MAMDC4: variants seen among roughly 807,000 people sequenced by gnomAD.
MAMDC4 encodes MAM domain containing 4.
In MAMDC4, 168 loss-of-function variants were observed where a neutral mutation model predicts 153.3. That is an observed-to-expected ratio of 1.10 (90% confidence interval 0.97 to 1.25). The LOEUF is 1.25. Ranked by LOEUF, MAMDC4 falls within the 50% of genes most tolerant of loss-of-function variation. The probability of loss-of-function intolerance (pLI) is 0.00; values close to 1 mark genes in which losing one functional copy is unlikely to be tolerated. For missense variants in MAMDC4, 1,701 were observed against 1,542.8 expected, an observed-to-expected ratio of 1.10 and a Z score of -1.72; for synonymous variants, 744 against 651.5, an observed-to-expected ratio of 1.14 and a Z score of -2.16.
In MAMDC4 at chr9:136,854,784, C is replaced by T. The variant is rs749388123; in HGVS notation, c.957C>T (p.Ala319=). The T allele has an allele frequency of 1.1e-5, 17 of 1,612,676 alleles. No homozygotes were observed. Among genetic ancestry groups the T allele is most frequent in the Middle Eastern group, 1.6e-4 (1 of 6,084 alleles). Residue 319 remains alanine (A), a synonymous_variant, in exon 9 of 27, where the codon GCC becomes GCT. Coordinates refer to ENST00000317446, the MANE Select transcript of MAMDC4 (RefSeq NM_206920.3). ...SAQGSFLVSV[A]EPGTPAILSS... is the part of the protein sequence containing the mutation. ...CAGGCTCCTTCCTGGTCTCCGTGGCCGAGCCTGGCACCCCTGCTATACTCT... is the reference window on the plus strand; with the variant it reads ...CAGGCTCCTTCCTGGTCTCCGTGGCTGAGCCTGGCACCCCTGCTATACTCT...
In MAMDC4 at chr9:136,853,132, A is replaced by G. The variant is rs757534537; in HGVS notation, c.77A>G (p.Asn26Ser). Residue 26 changes from asparagine to serine, a missense_variant, in exon 2 of 27, where the codon AAC (asparagine) becomes AGC (serine). Transcript: ENST00000317446. ...AGSSGWAWVP[N>S]HCRSPGQAVC... is the part of the protein sequence containing the mutation. ...TCCTCAGGCTGGGCCTGGGTCCCCA[A>G]CCACTGCAGGAGCCCTGGCCAGGCC... The G allele has an allele frequency of 3.7e-5, 60 of 1,612,596 alleles. No homozygotes were observed. The highest frequency in any genetic ancestry group is 4.4e-5 in the Non-Finnish European group (52 of 1,179,926).
In MAMDC4 at chr9:136,859,156, G is replaced by GCCT. The variant is rs753589701; in HGVS notation, c.3084+36_3084+38dup. On this transcript the variant is annotated intron_variant, in intron 24 of 26. Coordinates refer to ENST00000317446, the MANE Select transcript of MAMDC4 (RefSeq NM_206920.3). ...AGGTGAGGCTGGCTGTGGGCAAGGA[G>GCCT]CCTCCTCCTCCTCCACCCAGGGCCC... 3.2e-6 allele frequency: 5 copies of GCCT among 1,585,316 alleles called. No individual in the cohort carries two copies. In the South Asian group the frequency reaches 4.6e-5, roughly 15 times the overall value.
At chr9:136,859,788 GC>G in intron 25 of MAMDC4, 97 bp from the exon 26 acceptor site, 1 of 1,312,042 alleles carries the variant, frequency 7.6e-7, no homozygotes, top group Non-Finnish European at 1.1e-6. Flanking sequence ...AACCCCAGGA[GC>G]CAGCAGAGGC....
chr9:136,857,728 A>G lies in MAMDC4; in HGVS notation c.2396A>G (p.Lys799Arg), dbSNP rs1475237347. 2 of 1,612,710 alleles carry G rather than the reference A, an allele frequency of 1.2e-6. No homozygotes were observed. The highest frequency in any genetic ancestry group is 1.7e-6 in the Non-Finnish European group (2 of 1,179,888). ...GGCCAGACGGCCTCCCTGACCTCCA[A>G]GGAGCACAGGCCCCTGGCCCAGCCT... ...PRGQTASLTS[K>R]EHRPLAQPAC... Residue 799 changes from lysine (K) to arginine (R), a missense_variant, in exon 19 of 27, where the codon AAG (lysine) becomes AGG (arginine). Lys to Arg is a conservative substitution (Grantham distance 26). Transcript: ENST00000317446.
At chr9:136,853,699 G>C (rs1848961524) in intron 4 of MAMDC4, 29 bp downstream of exon 4, 3 of 1,607,182 alleles carry the variant, frequency 1.9e-6, no homozygotes, top group African/African-American at 1.3e-5. Context: ...AGGCTCGTGG[G>C]GGGTGCCCAA....
Position 136,858,180 on chromosome 9 carries a change from C to T in MAMDC4, c.2584-6C>T, listed in dbSNP as rs757958795. 8 of 1,580,842 alleles carry T rather than the reference C, an allele frequency of 5.1e-6. No homozygotes were observed. The highest frequency in any genetic ancestry group is 2.3e-5 in the East Asian group (1 of 43,254). On this transcript the variant is annotated splice_polypyrimidine_tract_variant and splice_region_variant and intron_variant, in intron 20 of 26. Coordinates refer to ENST00000317446, the MANE Select transcript of MAMDC4 (RefSeq NM_206920.3). ...CGCTGAGGCTGCCCTGCCCTGCACC[C>T]GCCAGGTGGTGTTTGAGGCAGTGGC... is the stretch of plus-strand genomic sequence containing the variant.
chr9:136,855,634 C>A lies in MAMDC4; in HGVS notation c.1471+15C>A. 1 of 1,569,138 alleles carries A rather than the reference C, an allele frequency of 6.4e-7. No individual in the cohort carries two copies. The highest frequency in any genetic ancestry group is 8.6e-7 in the Non-Finnish European group (1 of 1,156,128). On this transcript the variant is annotated intron_variant, in intron 12 of 26. Transcript: ENST00000317446. ...GCAGGCCTGTGGTAAAGGGGCTCAACCTCCTGCAGACCTCCTGCTGCGGAG... is the reference window on the plus strand; with the variant it reads ...GCAGGCCTGTGGTAAAGGGGCTCAAACTCCTGCAGACCTCCTGCTGCGGAG...
At chr9:136,859,742 G>C in intron 25 of MAMDC4, 144 bp from the exon 26 acceptor site, 1 of 804,642 alleles carries the variant, frequency 1.2e-6, no homozygotes, top group South Asian at 1.8e-5. Context: ...CCTTGTGGTA[G>C]CAGAACCAAT....
Position 136,854,024 on chromosome 9 carries a change from CA to C in MAMDC4, c.619del (p.Arg207GlyfsTer6). 1 of 1,612,982 alleles carries C rather than the reference CA, an allele frequency of 6.2e-7. No homozygotes were observed. The highest frequency in any genetic ancestry group is 8.5e-7 in the Non-Finnish European group (1 of 1,179,954). On this transcript the variant is annotated frameshift_variant, in exon 6 of 27. Transcript: ENST00000317446. LOFTEE classifies it high-confidence loss of function. ...TFSATRNATH[R>X]GAVALDDLEF... ...TCTCTGCCACCCGAAATGCCACCCA[CA>C]GGGGCGCTGTGGCTCTAGATGACCT...
At position 136,859,233 on chromosome 9, in the gene MAMDC4, G is replaced by A. The variant is rs145391466; in HGVS notation, c.3109G>A (p.Gly1037Ser). 3.3e-4 allele frequency: 536 copies of A among 1,611,788 alleles called. No homozygotes were observed. The African/African-American group carries it at 5.9e-3, about 18-fold the overall frequency. ...FQIVFEATLG[G>S]QPALGPIALD... is the part of the protein sequence containing the mutation. ...GATCGTGTTTGAAGCCACTCTGGGC[G>A]GCCAGCCAGCCCTGGGGCCCATTGC... Residue 1037 changes from glycine to serine, a missense_variant, in exon 25 of 27, where the codon GGC becomes AGC. Physicochemically the swap from Gly to Ser is moderately conservative, Grantham distance 56. Transcript: ENST00000317446.
At position 136,854,661 on chromosome 9, in the gene MAMDC4, C is replaced by CG. The variant is rs781670045; in HGVS notation, c.921dup (p.Asn308GlufsTer45). On this transcript the variant is annotated frameshift_variant, in exon 8 of 27. Coordinates refer to ENST00000317446, the MANE Select transcript of MAMDC4 (RefSeq NM_206920.3). LOFTEE classifies it high-confidence loss of function. ...CTCCTGGCCACGCCGTGACCACAGC[C>CG]GGAACAGTGCACAGGGTGAGGCCCA... 1 of 1,610,564 alleles carries CG rather than the reference C, an allele frequency of 6.2e-7. No individual in the cohort carries two copies. The highest frequency in any genetic ancestry group is 2.2e-5 in the East Asian group (1 of 44,718).
In MAMDC4 at chr9:136,856,841, C is replaced by T. The variant is rs1176466279; in HGVS notation, c.1837+15C>T. 2 of 1,612,484 alleles carry T rather than the reference C, an allele frequency of 1.2e-6. No individual in the cohort carries two copies. Among genetic ancestry groups the T allele is most frequent in the Non-Finnish European group, 1.7e-6 (2 of 1,179,868 alleles). On this transcript the variant is annotated intron_variant, in intron 15 of 26. Transcript: ENST00000317446. ...CACAGGCCAAGGTAGGATGGGCGCTCAGACCGGGGGTGGCTTTCAGACGAG... is the reference window on the plus strand; with the variant it reads ...CACAGGCCAAGGTAGGATGGGCGCTTAGACCGGGGGTGGCTTTCAGACGAG...
chr9:136,853,379 C>T lies in MAMDC4; in HGVS notation c.249C>T (p.Tyr83=), dbSNP rs755916254. The T allele has an allele frequency of 2.7e-5, 44 of 1,606,496 alleles. No individual in the cohort carries two copies. The highest frequency in any genetic ancestry group is 3.7e-5 in the Non-Finnish European group (44 of 1,175,160). ...CGWRDISTSG[Y]SWLRDRAGAA... is the part of the protein sequence containing the mutation. ...GGCGGGACATTAGTACCTCAGGCTA[C>T]AGCTGGCTCCGAGACAGGGCAGGGG... is the stretch of plus-strand genomic sequence containing the variant. The change falls in exon 3 of 27, where the codon TAC becomes TAT. Residue 83 remains tyrosine (Y), a synonymous_variant. Transcript: ENST00000317446.
chr9:136,856,598 C>A, intron 14 of MAMDC4, 112 bp from the exon 15 acceptor site: 1 of 1,013,478 alleles, frequency 9.9e-7, no homozygotes, highest in Non-Finnish European at 1.6e-6. Context: ...CATCCTCACT[C>A]CCACCTGGGT....
chr9:136,853,963 CTT>C (rs1848965332), intron 5 of MAMDC4, 27 bp from the exon 6 acceptor site: 1 of 1,612,950 alleles, frequency 6.2e-7, no homozygotes, highest in African/African-American at 1.3e-5. Context: ...TGGGCCCTGA[CTT>C]AGGTCCTAAG....
Position 136,858,649 on chromosome 9 carries a change from C to T in MAMDC4, c.2822-70C>T, listed in dbSNP as rs954463171. The T allele has an allele frequency of 1.2e-5, 19 of 1,598,542 alleles. No homozygotes were observed. In the African/African-American group the frequency reaches 2.0e-4, roughly 17 times the overall value. ...CCCATCCAGAGGAGGCCCTGCTCAC[C>T]GAGCCTCTGCTCGGGCCCTGAGGGC... On this transcript the variant is annotated intron_variant, in intron 22 of 26. Coordinates refer to ENST00000317446, the MANE Select transcript of MAMDC4 (RefSeq NM_206920.3).
chr9:136,854,107 CG>C, intron 6 of MAMDC4, 31 bp downstream of exon 6: 1 of 1,611,302 alleles, frequency 6.2e-7, no homozygotes, highest in East Asian at 2.2e-5. Context: ...GTTCCACCCC[CG>C]GGAGGGCCCC....
At chr9:136,859,804 G>A in intron 25 of MAMDC4, 82 bp from the exon 26 acceptor site, 1 of 1,464,618 alleles carries the variant, frequency 6.8e-7, no homozygotes, top group East Asian at 2.3e-5. Context: ...AGAGGCTGAG[G>A]GACCATGCAG....
chr9:136,856,861 G>A (rs909588346), intron 15 of MAMDC4, 35 bp downstream of exon 15: 2 of 1,612,316 alleles, frequency 1.2e-6, no homozygotes, highest in African/African-American at 2.7e-5. Flanking sequence ...GTGGCTTTCA[G>A]ACGAGAGTGG....
Sources: gnomAD v4.1 joint callset for allele counts on GRCh38, gnomAD v4.1.1 for gene constraint, MANE v1.5 for transcripts, NCBI Gene and HGNC (gene_info 2026-07-23, HGNC 2026-07-21) for gene names.